The following RAB33A variants were observed in gnomAD, a reference collection of about 807,000 sequenced individuals.
RAB33A encodes ras-related protein Rab-33A.
In RAB33A, 6 loss-of-function variants were observed where a neutral mutation model predicts 12.0. The ratio of observed to expected loss-of-function variants is 0.50; its 90% CI spans 0.27 to 0.99. The LOEUF (loss-of-function observed/expected upper bound fraction) is 0.99, where lower values mean the gene tolerates loss of function less well. RAB33A is among the 50% of genes least tolerant of loss of function. RAB33A has a pLI of 0.11. For missense variants in RAB33A, 109 were observed against 192.0 expected, an observed-to-expected ratio of 0.57 and a Z score of 2.55; for synonymous variants, 70 against 82.4, an observed-to-expected ratio of 0.85 and a Z score of 0.81.
At chrX:130,153,481 C>G in the RAB33A span, among the ~76,000 whole-genome samples, 1 of 110,849 alleles carries the variant, frequency 9.0e-6, no homozygotes, top group South Asian at 3.8e-4. Flanking sequence ...AGGAACATTT[C>G]TTCAAATGAC....
the RAB33A span, chrX:130,136,764 T>C: frequency 2.0e-5 from 23 of 1,167,765 alleles, no homozygotes; most frequent in African/African-American, 3.0e-4. Context: ...AGAGTGAGCC[T>C]ACAAGGCTAT....
At chrX:130,161,128 T>A in the RAB33A span, among the ~76,000 whole-genome samples, 252 of 111,192 alleles carry the variant, frequency 2.3e-3, 1 homozygote, top group Non-Finnish European at 3.7e-3. Context: ...AACTTCACAA[T>A]TGAGGCACCC....
At chrX:130,156,470 A>G in the RAB33A span, 1 of 1,211,881 alleles carries the variant, frequency 8.3e-7, no homozygotes, top group Non-Finnish European at 1.1e-6. Flanking sequence ...CATAGGCACC[A>G]GCTCCTACTG....
chrX:130,115,663 A>AGAG, the RAB33A span, among the ~76,000 whole-genome samples: 916 of 99,598 alleles, frequency 9.2e-3, 6 homozygotes, highest in Non-Finnish European at 0.014. Flanking sequence ...GAAAGAGAGA[A>AGAG]AGAGAGAGAG....
the RAB33A span, among the ~76,000 whole-genome samples, chrX:130,154,373 C>A: frequency 2.7e-5 from 3 of 111,961 alleles, no homozygotes; most frequent in African/African-American, 9.8e-5. Context: ...TAAATTGTTA[C>A]CAACATACTG....
chrX:130,174,285 A>G (rs148293073), intron 1 of RAB33A, among the ~76,000 whole-genome samples: 1,804 of 111,991 alleles, frequency 0.016, 23 homozygotes, highest in Non-Finnish European at 0.021. Context: ...TTTGGGGAAG[A>G]TGATATTTTC....
intron 1 of RAB33A, among the ~76,000 whole-genome samples, chrX:130,175,531 T>C (rs1251767725): frequency 9.9e-6 from 1 of 100,820 alleles, no homozygotes; most frequent in Non-Finnish European, 2.0e-5. Context: ...AGTTTCACTC[T>C]TGTTGCCCAA....
rs2031762641 is a variant in RAB33A, at chrX:130,184,316, G to A, written c.290G>A (p.Arg97His). ...GTGTGGGACACAGCAGGTCAGGAAC[G>A]TTTCCGCAAAAGCATGGTCGAGCAT... ...VQVWDTAGQERFRKSMVEHYY... is the reference protein window; with the variant it reads ...VQVWDTAGQEHFRKSMVEHYY... Residue 97 changes from arginine (R) to histidine (H), a missense_variant, in exon 2 of 2, where the codon CGT becomes CAT. Physicochemically the swap from Arg to His is conservative, Grantham distance 29. Transcript: ENST00000257017. The A allele has an allele frequency of 8.3e-7, 1 of 1,211,533 alleles. No individual in the cohort carries two copies. Among genetic ancestry groups the A allele is most frequent in the Non-Finnish European group, 1.1e-6 (1 of 895,202 alleles).
At chrX:130,165,841 C>T in the RAB33A span, 384 of 489,662 alleles carry the variant, frequency 7.8e-4, no homozygotes, top group Non-Finnish European at 1.3e-3. Flanking sequence ...GGAAGGGGAA[C>T]GGCGACCGGA....
chrX:130,117,081 G>A, the RAB33A span, among the ~76,000 whole-genome samples: 1 of 111,788 alleles, frequency 8.9e-6, no homozygotes, highest in South Asian at 3.7e-4. Context: ...GGGCGTGGTG[G>A]CGGGCTCCTG....
chrX:130,143,846 C>CA, the RAB33A span, among the ~76,000 whole-genome samples: 32 of 100,320 alleles, frequency 3.2e-4, no homozygotes, highest in Middle Eastern at 5.0e-3. Flanking sequence ...GAATCTGTCT[C>CA]AAAAAAAAAA....
chrX:130,181,815 C>T (rs1323131482), intron 1 of RAB33A, among the ~76,000 whole-genome samples: 2 of 109,974 alleles, frequency 1.8e-5, no homozygotes, highest in African/African-American at 6.6e-5. Flanking sequence ...GGCATGGTGG[C>T]GCACGACTGT....
chrX:130,172,085 A>T lies in RAB33A; in HGVS notation c.23A>T (p.His8Leu), dbSNP rs1404771821. The T allele has an allele frequency of 1.8e-5, 22 of 1,209,044 alleles. No individual in the cohort carries two copies. Among genetic ancestry groups the T allele is most frequent in the Non-Finnish European group, 2.3e-5 (21 of 894,517 alleles). ...GAGATGGCGCAGCCCATCCTGGGCC[A>T]TGGGAGCCTGCAGCCCGCCTCGGCC... MAQPILGHGSLQPASAAG... is the reference protein window; with the variant it reads MAQPILGLGSLQPASAAG... Residue 8 changes from histidine (H) to leucine (L), a missense_variant, in exon 1 of 2, where the codon CAT becomes CTT. Physicochemically the swap from His to Leu is moderately conservative, Grantham distance 99. Coordinates refer to ENST00000257017, the MANE Select transcript of RAB33A (RefSeq NM_004794.3).
chrX:130,111,322 C>T, the RAB33A span, among the ~76,000 whole-genome samples: 2 of 112,493 alleles, frequency 1.8e-5, no homozygotes, highest in African/African-American at 6.4e-5. Context: ...AAATCCCTTC[C>T]CCGCGGACTC....
At chrX:130,182,139 C>CAAAAAAAAAAAAAA (rs1188540923) in intron 1 of RAB33A, among the ~76,000 whole-genome samples, 1 of 30,515 alleles carries the variant, frequency 3.3e-5, no homozygotes, top group African/African-American at 1.4e-4. Flanking sequence ...TCTGTCTCTA[C>CAAAAAAAAAAAAAA]AAAAAAAAAA....
At chrX:130,157,887 G>A in the RAB33A span, among the ~76,000 whole-genome samples, 9 of 105,849 alleles carry the variant, frequency 8.5e-5, no homozygotes, top group Non-Finnish European at 1.4e-4. Context: ...CCCGGGAGGC[G>A]GAGGTTGCAG....
At chrX:130,153,046 G>A in the RAB33A span, among the ~76,000 whole-genome samples, 3 of 110,383 alleles carry the variant, frequency 2.7e-5, no homozygotes. Context: ...AAAGTCGACA[G>A]TTTAGGCTGG....
chrX:130,111,563 G>A, the RAB33A span, among the ~76,000 whole-genome samples: 2 of 112,274 alleles, frequency 1.8e-5, no homozygotes, highest in African/African-American at 6.5e-5. Context: ...GGAGAGTTTC[G>A]GCGACTTCTT....
intron 1 of RAB33A, among the ~76,000 whole-genome samples, chrX:130,182,515 G>C (rs1280066755): frequency 9.0e-6 from 1 of 110,553 alleles, no homozygotes; most frequent in Non-Finnish European, 1.9e-5. Context: ...AGCTCTTTGG[G>C]AAGCCGAGGC....
Sources: gnomAD v4.1 joint callset for allele counts (sites outside exome capture counted in the v4.1 genomes callset) on GRCh38, gnomAD v4.1.1 for gene constraint, MANE v1.5 for transcripts, NCBI Gene and HGNC (gene_info 2026-07-23, HGNC 2026-07-21) for gene names.